The following KCNT2 variants were observed in gnomAD, a reference collection of about 807,000 sequenced individuals.
KCNT2 encodes the protein potassium channel subfamily T member 2.
KCNT2 carries 67 observed loss-of-function variants against 153.8 expected under a neutral mutation model. That is an observed-to-expected ratio of 0.44 (90% CI 0.36 to 0.53). The LOEUF is 0.53. Ranked by LOEUF, KCNT2 falls within the 20% of genes least tolerant of loss-of-function variation. The probability of loss-of-function intolerance (pLI) is 0.00; values close to 1 mark genes in which losing one functional copy is unlikely to be tolerated. For missense variants in KCNT2, 975 were observed against 1,354.8 expected (o/e 0.72, Z 4.40); for synonymous variants, 500 against 458.8 (o/e 1.09, Z -1.15).
intron 13 of KCNT2, among the ~76,000 whole-genome samples, chr1:196,382,006 T>C (rs1669533769): frequency 6.6e-6 from 1 of 152,114 alleles, no homozygotes; most frequent in South Asian, 2.1e-4. Context: ...TGCATATGTA[T>C]TAAGAGGATA....
intron 22 of KCNT2, among the ~76,000 whole-genome samples, chr1:196,288,142 A>G (rs1659846066): frequency 1.2e-5 from 1 of 83,264 alleles, no homozygotes; most frequent in South Asian, 2.8e-4. Context: ...ATAAATAAAT[A>G]AAAAATAAAA....
At chr1:196,361,603 A>G (rs1667629176) in intron 14 of KCNT2, among the ~76,000 whole-genome samples, 1 of 152,024 alleles carries the variant, frequency 6.6e-6, no homozygotes, top group Admixed American at 6.6e-5. Context: ...TGAGACCAGA[A>G]TGAGTCATGG....
chr1:196,384,204 C>T (rs141728818), intron 13 of KCNT2, among the ~76,000 whole-genome samples: 1 of 152,168 alleles, frequency 6.6e-6, no homozygotes, highest in East Asian at 1.9e-4. Flanking sequence ...GAAACTAAAG[C>T]TGTTAACTTC....
chr1:196,270,983 G>T (rs1439862457), intron 25 of KCNT2, among the ~76,000 whole-genome samples: 2 of 151,456 alleles, frequency 1.3e-5, no homozygotes, highest in Non-Finnish European at 3.0e-5. Context: ...TGATTCTAAT[G>T]TGAGTACAGC....
At chr1:196,345,403 T>G (rs1015418836) in intron 14 of KCNT2, among the ~76,000 whole-genome samples, 2 of 152,042 alleles carry the variant, frequency 1.3e-5, no homozygotes, top group African/African-American at 4.8e-5. Context: ...AGACAGTTAA[T>G]GCTTGATGCG....
chr1:196,576,072 T>TTATA (rs66537346), intron 1 of KCNT2, among the ~76,000 whole-genome samples: 7 of 145,216 alleles, frequency 4.8e-5, no homozygotes, highest in Admixed American at 1.4e-4. Flanking sequence ...GTGTTAGGTT[T>TTATA]TATATATATA....
At chr1:196,230,605 C>T (rs567062119) in intron 27 of KCNT2, among the ~76,000 whole-genome samples, 5 of 150,612 alleles carry the variant, frequency 3.3e-5, no homozygotes, top group Admixed American at 6.6e-5. Flanking sequence ...TGACTCCAAC[C>T]CTTATCGATG....
chr1:196,606,861 C>G (rs1021213768), intron 1 of KCNT2, among the ~76,000 whole-genome samples: 11 of 152,102 alleles, frequency 7.2e-5, no homozygotes, highest in Non-Finnish European at 5.9e-5. Flanking sequence ...ATCTAAATGT[C>G]AATTTGTATT....
At position 196,424,066 on chromosome 1, in the gene KCNT2, A is replaced by T. The variant is rs191397920; in HGVS notation, c.1122-953T>A. Among the ~76,000 whole-genome samples, 494 of 151,950 alleles carry T rather than the reference A, an allele frequency of 3.3e-3. 1 individual carries two copies. The highest frequency in any genetic ancestry group is 6.9e-3 in the Admixed American group (105 of 15,214). ...TGCGTCACTCTAACTTGTTTTTTTA[A>T]ATAGCTTTTAGAGTATGACCAGATA... is the stretch of plus-strand genomic sequence containing the variant. On this transcript the variant is annotated intron_variant, in intron 11 of 27. Coordinates refer to ENST00000294725, the MANE Select transcript of KCNT2 (RefSeq NM_198503.5).
intron 22 of KCNT2, among the ~76,000 whole-genome samples, chr1:196,294,490 G>T (rs1660501015): frequency 6.6e-6 from 1 of 151,998 alleles, no homozygotes; most frequent in African/African-American, 2.4e-5. Context: ...TGGCCAGGAT[G>T]ATCTCAATCT....
chr1:196,250,652 C>T (rs1176823465), intron 26 of KCNT2, among the ~76,000 whole-genome samples: 2 of 152,030 alleles, frequency 1.3e-5, no homozygotes, highest in African/African-American at 2.4e-5. Context: ...AGCTTATTCA[C>T]AGCAAAGGAA....
intron 1 of KCNT2, among the ~76,000 whole-genome samples, chr1:196,500,754 A>T (rs1217670926): frequency 6.6e-6 from 1 of 152,240 alleles, no homozygotes; most frequent in African/African-American, 2.4e-5. Flanking sequence ...AAACAGAGTA[A>T]ATAGACAATA....
intron 12 of KCNT2, among the ~76,000 whole-genome samples, chr1:196,417,536 TA>T (rs1672853182): frequency 1.3e-5 from 2 of 152,100 alleles, no homozygotes; most frequent in African/African-American, 4.8e-5. Flanking sequence ...CCTCCTTCCA[TA>T]TTTCTAACTA....
At chr1:196,266,839 GT>G (rs1657584276) in intron 25 of KCNT2, among the ~76,000 whole-genome samples, 2 of 152,130 alleles carry the variant, frequency 1.3e-5, no homozygotes, top group Admixed American at 1.3e-4. Flanking sequence ...TCAGCAATTT[GT>G]AAATACTTTG....
chr1:196,485,631 G>T (rs1441776031), intron 3 of KCNT2, among the ~76,000 whole-genome samples: 4 of 151,048 alleles, frequency 2.6e-5, no homozygotes, highest in Admixed American at 6.6e-5. Context: ...ATAGGCTTCA[G>T]AATCCATAAA....
intron 18 of KCNT2, among the ~76,000 whole-genome samples, chr1:196,329,879 ATG>A (rs57881763): frequency 0.026 from 3,258 of 124,664 alleles, 66 homozygotes; most frequent in African/African-American, 0.051. Flanking sequence ...ATACACTTAT[ATG>A]TGTGTGTGTG....
intron 16 of KCNT2, among the ~76,000 whole-genome samples, chr1:196,339,857 A>C (rs1665442667): frequency 6.6e-6 from 1 of 152,076 alleles, no homozygotes; most frequent in African/African-American, 2.4e-5. Flanking sequence ...AGAGTGAGGT[A>C]AGAGATGGAA....
At chr1:196,285,929 C>A (rs570072575) in intron 22 of KCNT2, among the ~76,000 whole-genome samples, 171 bp from the exon 23 acceptor site, 1 of 152,044 alleles carries the variant, frequency 6.6e-6, no homozygotes, top group Non-Finnish European at 1.5e-5. Context: ...TTTCGTTTTG[C>A]TAACCACATT....
chr1:196,287,423 T>C (rs1659768442), intron 22 of KCNT2, among the ~76,000 whole-genome samples: 2 of 150,752 alleles, frequency 1.3e-5, no homozygotes, highest in East Asian at 1.9e-4. Context: ...GAGAATTTGA[T>C]GTTACATTTA....
Sources: gnomAD v4.1 joint callset for allele counts (sites outside exome capture counted in the v4.1 genomes callset) on GRCh38, gnomAD v4.1.1 for gene constraint, MANE v1.5 for transcripts, NCBI Gene and HGNC (gene_info 2026-07-23, HGNC 2026-07-21) for gene names.